MACROD2: variants seen among roughly 807,000 people sequenced by gnomAD.
MACROD2 encodes ADP-ribose glycohydrolase MACROD2.
In MACROD2, 36 loss-of-function variants were observed where a neutral mutation model predicts 70.4. That is an observed-to-expected ratio of 0.51 (90% CI 0.39 to 0.68). MACROD2 has a LOEUF of 0.68. MACROD2 is among the 30% of genes least tolerant of loss of function. The pLI, the probability that MACROD2 is intolerant of heterozygous loss-of-function variation, is 0.00. For missense variants in MACROD2, 496 were observed against 538.4 expected (o/e 0.92, Z 0.78); for synonymous variants, 172 against 178.8 (o/e 0.96, Z 0.30).
chr20:15,004,776 T>A (rs1208680714), intron 5 of MACROD2, among the ~76,000 whole-genome samples: 1 of 152,238 alleles, frequency 6.6e-6, no homozygotes, highest in East Asian at 1.9e-4. Flanking sequence ...AACTGTTTAC[T>A]GTTAAATGCA....
chr20:15,672,919 C>T (rs1036514469), intron 8 of MACROD2, among the ~76,000 whole-genome samples: 2 of 152,140 alleles, frequency 1.3e-5, no homozygotes, highest in African/African-American at 4.8e-5. Flanking sequence ...GAATAGGTCT[C>T]ATGAGATCTG....
chr20:15,330,757 A>G (rs569199245), intron 6 of MACROD2, among the ~76,000 whole-genome samples: 1 of 151,764 alleles, frequency 6.6e-6, no homozygotes, highest in African/African-American at 2.4e-5. Context: ...ACAAAATTCA[A>G]ACTGGGCTGT....
At chr20:15,478,553 CTGTGTG>C (rs11467421) in intron 7 of MACROD2, among the ~76,000 whole-genome samples, 6 of 150,258 alleles carry the variant, frequency 4.0e-5, no homozygotes, top group Admixed American at 2.0e-4. Context: ...GTGTGTGTGT[CTGTGTG>C]TGTGTGTGTG....
chr20:15,532,547 C>T (rs2047818006), intron 8 of MACROD2, among the ~76,000 whole-genome samples: 1 of 151,834 alleles, frequency 6.6e-6, no homozygotes, highest in East Asian at 1.9e-4. Flanking sequence ...GTTACTCAAC[C>T]ATATTTTTTA....
intron 3 of MACROD2, among the ~76,000 whole-genome samples, chr20:14,110,824 G>A (rs1040536767): frequency 6.6e-6 from 1 of 151,772 alleles, no homozygotes; most frequent in African/African-American, 2.4e-5. Flanking sequence ...ATTCAGTGCA[G>A]TCCCTATCAA....
At position 14,166,989 on chromosome 20, in the gene MACROD2, T is replaced by A. The variant is rs1453114313; in HGVS notation, c.271+81261T>A. The stretch of plus-strand genomic sequence containing the variant: ...TAGCCTGGAATTCAAAATCTGAATT[T>A]TGCCCCACTCTGCATTTCTGGTTTT... On this transcript the variant is annotated intron_variant, in intron 3 of 17. Coordinates refer to ENST00000684519, the MANE Select transcript of MACROD2 (RefSeq NM_001351661.2). 9.2e-5 allele frequency among the ~76,000 whole-genome samples: 14 copies of A among 152,350 alleles called. No homozygotes were observed. In the South Asian group the frequency reaches 2.9e-3, roughly 32 times the overall value.
In MACROD2 at chr20:15,112,236, G is replaced by A. The variant is rs2075960717; in HGVS notation, c.419-117704G>A. Among the ~76,000 whole-genome samples, 4 of 152,102 alleles carry A rather than the reference G, an allele frequency of 2.6e-5. No homozygotes were observed. In the South Asian group the frequency reaches 8.3e-4, roughly 32 times the overall value. On this transcript the variant is annotated intron_variant, in intron 5 of 17. Coordinates refer to ENST00000684519, the MANE Select transcript of MACROD2 (RefSeq NM_001351661.2). ...AATCATTGCACGGTTGATGTTAAGAGGGTTCAGAAGTATAAAAGGAAGGAA... is the reference window on the plus strand; with the variant it reads ...AATCATTGCACGGTTGATGTTAAGAAGGTTCAGAAGTATAAAAGGAAGGAA...
chr20:15,650,426 T>C (rs1359199133), intron 8 of MACROD2, among the ~76,000 whole-genome samples: 1 of 152,218 alleles, frequency 6.6e-6, no homozygotes, highest in Non-Finnish European at 1.5e-5. Context: ...TCTTTGTCAT[T>C]TCTCTCACAC....
At chr20:15,832,554 G>T (rs1011246910) in intron 8 of MACROD2, among the ~76,000 whole-genome samples, 2 of 152,182 alleles carry the variant, frequency 1.3e-5, no homozygotes, top group Non-Finnish European at 2.9e-5. Context: ...TGCCACAGGT[G>T]CCCCTGAAAC....
intron 4 of MACROD2, among the ~76,000 whole-genome samples, chr20:14,656,238 G>A (rs898516921): frequency 2.6e-5 from 4 of 152,156 alleles, no homozygotes; most frequent in East Asian, 3.9e-4. Flanking sequence ...AAGAGATTTC[G>A]GAGGTCTGCT....
intron 5 of MACROD2, among the ~76,000 whole-genome samples, chr20:15,038,020 T>C (rs971481506): frequency 6.6e-6 from 1 of 152,188 alleles, no homozygotes; most frequent in Non-Finnish European, 1.5e-5. Flanking sequence ...ATACACTGTA[T>C]ACATGTATCA....
At chr20:15,434,580 A>T (rs549618041) in intron 7 of MACROD2, among the ~76,000 whole-genome samples, 4 of 152,300 alleles carry the variant, frequency 2.6e-5, no homozygotes, top group Non-Finnish European at 5.9e-5. Context: ...GGGAATGTAA[A>T]TTAGTACAAC....
intron 3 of MACROD2, among the ~76,000 whole-genome samples, chr20:14,184,990 A>C (rs889189105): frequency 2.0e-5 from 3 of 152,044 alleles, no homozygotes; most frequent in African/African-American, 7.2e-5. Context: ...TATTCATTGC[A>C]TTTCACTAGG....
chr20:14,022,690 T>G (rs1438313820), intron 2 of MACROD2, among the ~76,000 whole-genome samples: 1 of 152,000 alleles, frequency 6.6e-6, no homozygotes, highest in African/African-American at 2.4e-5. Flanking sequence ...TGAGAACATG[T>G]GGTGGTTGGT....
chr20:15,020,159 C>T (rs1223380210), intron 5 of MACROD2, among the ~76,000 whole-genome samples: 3 of 152,086 alleles, frequency 2.0e-5, no homozygotes, highest in Non-Finnish European at 4.4e-5. Flanking sequence ...TGCAAAATCT[C>T]CTGTGGATAT....
chr20:14,455,845 G>A (rs2084295581), intron 3 of MACROD2, among the ~76,000 whole-genome samples: 1 of 151,600 alleles, frequency 6.6e-6, no homozygotes, highest in Non-Finnish European at 1.5e-5. Context: ...TCTTCTAGCT[G>A]TACTTTTTTG....
intron 5 of MACROD2, among the ~76,000 whole-genome samples, chr20:15,150,525 G>A (rs990758635): frequency 1.5e-4 from 23 of 152,052 alleles, no homozygotes; most frequent in Admixed American, 1.4e-3. Context: ...TAGCAGGCGA[G>A]TGATAACAGG....
At chr20:14,473,714 G>A (rs1194782305) in intron 3 of MACROD2, among the ~76,000 whole-genome samples, 1 of 152,144 alleles carries the variant, frequency 6.6e-6, no homozygotes, top group Admixed American at 6.5e-5. Context: ...AAATTTTTCA[G>A]AAACCTCCAT....
At chr20:14,645,698 C>T (rs983538544) in intron 4 of MACROD2, among the ~76,000 whole-genome samples, 2 of 151,914 alleles carry the variant, frequency 1.3e-5, no homozygotes, top group Non-Finnish European at 2.9e-5. Flanking sequence ...TATTTACTTG[C>T]ATTCAAGTGA....
Sources: gnomAD v4.1 joint callset for allele counts (sites outside exome capture counted in the v4.1 genomes callset) on GRCh38, gnomAD v4.1.1 for gene constraint, MANE v1.5 for transcripts, NCBI Gene and HGNC (gene_info 2026-07-23, HGNC 2026-07-21) for gene names.